The following TUT7 variants were observed in gnomAD, a reference collection of about 807,000 sequenced individuals.
TUT7 encodes the protein terminal uridylyl transferase 7.
Under a neutral mutation model 165.9 loss-of-function variants are expected in TUT7, and 33 were observed. That is an observed-to-expected ratio of 0.20 (90% CI 0.15 to 0.27). The LOEUF is 0.27. Among genes scored for constraint, TUT7 ranks in the 10% least tolerant of loss-of-function variants. The probability of loss-of-function intolerance (pLI) is 1.00; values close to 1 mark genes in which losing one functional copy is unlikely to be tolerated. For synonymous variants in TUT7, 552 were observed against 608.1 expected (o/e 0.91, Z 1.36); for missense variants, 1,338 against 1,762.3 (o/e 0.76, Z 4.31).
chr9:86,337,963 G>A (rs560249973), intron 9 of TUT7, among the ~76,000 whole-genome samples: 15 of 152,250 alleles, frequency 9.9e-5, no homozygotes, highest in African/African-American at 2.2e-4. Context: ...AAAGATTGGC[G>A]TGGGGAGAGA....
At chr9:86,334,625 T>A (rs1830608830) in intron 10 of TUT7, among the ~76,000 whole-genome samples, 1 of 152,140 alleles carries the variant, frequency 6.6e-6, no homozygotes, top group Non-Finnish European at 1.5e-5. Context: ...TTTGTTCAGT[T>A]TTTTTTCTTG....
In TUT7 at chr9:86,345,732, T is replaced by G; in HGVS notation, c.756A>C (p.Leu252Phe). 6.2e-7 allele frequency: 1 copy of G among 1,613,818 alleles called. No individual in the cohort carries two copies. Among genetic ancestry groups the G allele is most frequent in the Non-Finnish European group, 8.5e-7 (1 of 1,179,838 alleles). Residue 252 changes from leucine to phenylalanine, a missense_variant, in exon 4 of 27, where the codon TTA becomes TTC. Physicochemically the swap from Leu to Phe is conservative, Grantham distance 22. Transcript: ENST00000375963. ...TATGGGCAAATGCAATGGATTCAAT[T>G]AAAACATCACAGAGTCTGCAGGTGT... ...AKYTCRLCDVLIESIAFAHKH... is the reference protein window; with the variant it reads ...AKYTCRLCDVFIESIAFAHKH...
At chr9:86,316,447 G>A (rs1046729010) in intron 17 of TUT7, among the ~76,000 whole-genome samples, 1 of 152,078 alleles carries the variant, frequency 6.6e-6, no homozygotes, top group African/African-American at 2.4e-5. Context: ...AAAAGAGATC[G>A]CTTCAAGTGA....
chr9:86,353,976 C>T (rs915292129), intron 1 of TUT7, among the ~76,000 whole-genome samples: 2 of 152,216 alleles, frequency 1.3e-5, no homozygotes, highest in Non-Finnish European at 2.9e-5. Flanking sequence ...AGTTTCCACC[C>T]TTTTGAGCCC....
chr9:86,312,457 C>T (rs1381185945), intron 17 of TUT7, among the ~76,000 whole-genome samples: 7 of 151,626 alleles, frequency 4.6e-5, no homozygotes, highest in African/African-American at 1.5e-4. Flanking sequence ...GGAGCGTCTC[C>T]ACCCGGCAGC....
At chr9:86,341,367 C>T (rs1476393953) in intron 6 of TUT7, among the ~76,000 whole-genome samples, 1 of 152,172 alleles carries the variant, frequency 6.6e-6, no homozygotes, top group Non-Finnish European at 1.5e-5. Flanking sequence ...AACAATATTA[C>T]CTTTCACTCT....
chr9:86,294,293 A>C (rs1448600806), intron 26 of TUT7, among the ~76,000 whole-genome samples: 4 of 151,546 alleles, frequency 2.6e-5, no homozygotes, highest in African/African-American at 9.7e-5. Flanking sequence ...AAAAAAAAAA[A>C]AACCCAGAGA....
chr9:86,343,037 A>G lies in TUT7; in HGVS notation c.1086+38T>C, dbSNP rs1347513958. The G allele has an allele frequency of 7.0e-6, 9 of 1,279,524 alleles. No individual in the cohort carries two copies. In the African/African-American group the frequency reaches 1.3e-4, roughly 19 times the overall value. The allele number at this position is 1,279,524 out of a possible 1,614,324, so 79.3% of individuals were successfully genotyped here. On this transcript the variant is annotated intron_variant, in intron 6 of 26. Coordinates refer to ENST00000375963, the MANE Select transcript of TUT7 (RefSeq NM_024617.4). ...TACATTTGTAAGAAAGAATTTCCAT[A>G]CCACTCTGAAAGTGCCAGCATTTCA...
chr9:86,346,586 C>G, intron 2 of TUT7, 106 bp from the exon 3 acceptor site: 2 of 1,153,120 alleles, frequency 1.7e-6, no homozygotes, highest in Non-Finnish European at 2.5e-6. Flanking sequence ...TAAATCACAT[C>G]TGCATGCAGA....
intron 17 of TUT7, among the ~76,000 whole-genome samples, chr9:86,313,337 T>C (rs1275434998): frequency 3.3e-5 from 5 of 151,960 alleles, no homozygotes; most frequent in African/African-American, 1.2e-4. Context: ...ACTTTCATGG[T>C]GGCATGGGAA....
At chr9:86,325,554 G>A (rs1422420273) in intron 11 of TUT7, 40 bp from the exon 12 acceptor site, 2 of 1,526,260 alleles carry the variant, frequency 1.3e-6, no homozygotes, top group South Asian at 1.2e-5. Flanking sequence ...TATTTCAGAT[G>A]TAAGTACAAT....
At chr9:86,331,856 A>G (rs1425254949) in intron 10 of TUT7, among the ~76,000 whole-genome samples, 7 of 152,202 alleles carry the variant, frequency 4.6e-5, no homozygotes, top group Admixed American at 2.0e-4. Flanking sequence ...TGCAAACTAT[A>G]TATCAAAGGT....
chr9:86,353,522 T>C (rs895521082), intron 1 of TUT7, among the ~76,000 whole-genome samples: 1 of 152,200 alleles, frequency 6.6e-6, no homozygotes, highest in Admixed American at 6.5e-5. Flanking sequence ...TAGTAGAATA[T>C]TACTCATATC....
intron 26 of TUT7, 69 bp downstream of exon 26, chr9:86,301,207 A>G: frequency 7.6e-7 from 1 of 1,312,602 alleles, no homozygotes; most frequent in Non-Finnish European, 1.1e-6. Context: ...TAAAATAGTA[A>G]AGAGCTCTAA....
Position 86,311,949 on chromosome 9 carries a change from T to G in TUT7, c.3275-1140A>C, listed in dbSNP as rs1012848841. On this transcript the variant is annotated intron_variant, in intron 17 of 26. Transcript: ENST00000375963. This position sits in a 1 kb window ranked among gnomAD's most constrained non-coding sequence, Gnocchi z 4.4. ...CAATGGTGCCCAGGCTGGAGTGCAG[T>G]GGCGTGATCTCGGCCCGCTACAACC... is the stretch of plus-strand genomic sequence containing the variant. Among the ~76,000 whole-genome samples the G allele has an allele frequency of 6.6e-6, 1 of 152,174 alleles. No individual in the cohort carries two copies. Among genetic ancestry groups the G allele is most frequent in the African/African-American group, 2.4e-5 (1 of 41,450 alleles).
chr9:86,312,964 C>T (rs963317410), intron 17 of TUT7, among the ~76,000 whole-genome samples: 1 of 151,910 alleles, frequency 6.6e-6, no homozygotes, highest in Non-Finnish European at 1.5e-5. Context: ...CCCAGGGACA[C>T]AAACACTGCA....
chr9:86,341,800 GA>G (rs770410209), intron 6 of TUT7, among the ~76,000 whole-genome samples: 31 of 152,034 alleles, frequency 2.0e-4, no homozygotes, highest in Non-Finnish European at 3.5e-4. Context: ...CCTCTTCAAA[GA>G]AGCCTTCATG....
intron 5 of TUT7, among the ~76,000 whole-genome samples, chr9:86,343,759 C>T (rs1443416361): frequency 6.6e-6 from 1 of 152,178 alleles, no homozygotes; most frequent in Non-Finnish European, 1.5e-5. Context: ...TACAATATCA[C>T]TGACATAGGT....
intron 26 of TUT7, chr9:86,298,896 G>A (rs1165190161): frequency 1.9e-5 from 15 of 806,050 alleles, no homozygotes; most frequent in Non-Finnish European, 2.2e-5. Flanking sequence ...CCTTAAAACC[G>A]AAACCATATC....
Sources: allele counts gnomAD v4.1 joint callset (sites outside exome capture counted in the v4.1 genomes callset), GRCh38; gene constraint gnomAD v4.1.1; non-coding constraint Gnocchi (gnomAD v3.1); transcripts MANE v1.5; gene names NCBI Gene and HGNC (gene_info 2026-07-23, HGNC 2026-07-21).